RARB: variants seen among roughly 807,000 people sequenced by gnomAD.
The protein encoded by RARB is retinoic acid receptor beta, also known as HBV-activated protein.
In RARB, 17 loss-of-function variants were observed where a neutral mutation model predicts 51.9. That is an observed-to-expected ratio of 0.33 (90% CI 0.22 to 0.49). The LOEUF (loss-of-function observed/expected upper bound fraction) is 0.49. RARB is among the 20% of genes least tolerant of loss of function. The probability of loss-of-function intolerance (pLI) is 0.99; values close to 1 mark genes in which losing one functional copy is unlikely to be tolerated. For missense variants in RARB, 369 were observed against 550.8 expected (o/e 0.67, Z 3.30); for synonymous variants, 215 against 195.4 (o/e 1.10, Z -0.84).
At chr3:25,122,729 G>A (rs541413020) in intron 3 of RARB, among the ~76,000 whole-genome samples, 3 of 152,268 alleles carry the variant, frequency 2.0e-5, no homozygotes, top group African/African-American at 7.2e-5. Context: ...GCCAACCAGG[G>A]ACCAGGCATG....
At chr3:25,484,572 T>A (rs1278819193) in intron 2 of RARB, among the ~76,000 whole-genome samples, 1 of 152,068 alleles carries the variant, frequency 6.6e-6, no homozygotes, top group Non-Finnish European at 1.5e-5. Context: ...ACATTTTAAA[T>A]GCTTGAAAAA....
chr3:25,178,861 A>G (rs1700807985), intron 5 of RARB, among the ~76,000 whole-genome samples: 1 of 152,174 alleles, frequency 6.6e-6, no homozygotes, highest in African/African-American at 2.4e-5. Context: ...AGAGTTGGAC[A>G]GCTGTCTGTC....
At chr3:25,571,001 T>C (rs1575529451) in intron 4 of RARB, among the ~76,000 whole-genome samples, 2 of 148,982 alleles carry the variant, frequency 1.3e-5, no homozygotes, top group South Asian at 2.1e-4. Flanking sequence ...GAGCATGGGG[T>C]GTAGTGCGCT....
intron 4 of RARB, among the ~76,000 whole-genome samples, chr3:25,154,659 T>C (rs1700345692): frequency 6.6e-6 from 1 of 152,218 alleles, no homozygotes; most frequent in Non-Finnish European, 1.5e-5. Flanking sequence ...CCAAACTACA[T>C]GTGTAGGGTC....
intron 1 of RARB, among the ~76,000 whole-genome samples, chr3:24,842,727 G>A (rs971995852): frequency 6.6e-6 from 1 of 152,070 alleles, no homozygotes; most frequent in Non-Finnish European, 1.5e-5. Context: ...TTATTTGTAA[G>A]GTTTCTGACA....
chr3:25,260,542 A>G (rs149044223), intron 5 of RARB, among the ~76,000 whole-genome samples: 56 of 152,254 alleles, frequency 3.7e-4, no homozygotes, highest in African/African-American at 1.3e-3. Flanking sequence ...CCGAGAAGCC[A>G]TATCCAAGGA....
chr3:25,287,048 G>A (rs923899280), intron 5 of RARB, among the ~76,000 whole-genome samples: 2 of 152,154 alleles, frequency 1.3e-5, no homozygotes, highest in African/African-American at 4.8e-5. Context: ...TACGAACAAT[G>A]GAAGAGGCAG....
intron 2 of RARB, chr3:25,025,220 A>G (rs17195136): frequency 0.13 from 20,120 of 152,236 alleles, 1,815 homozygotes; most frequent in Non-Finnish European, 0.2. Flanking sequence ...TCTACATAGC[A>G]CTTCCAAGAT....
intron 5 of RARB, among the ~76,000 whole-genome samples, chr3:25,202,350 G>T (rs1371293568): frequency 6.6e-6 from 1 of 151,754 alleles, no homozygotes; most frequent in Non-Finnish European, 1.5e-5. Context: ...TCTTCTTAGT[G>T]GTCTATCCAT....
At chr3:24,886,229 T>C (rs1489720447) in intron 2 of RARB, among the ~76,000 whole-genome samples, 1 of 152,164 alleles carries the variant, frequency 6.6e-6, no homozygotes, top group Non-Finnish European at 1.5e-5. Context: ...ATAGTTGCTT[T>C]GTAGCTTGGA....
intron 5 of RARB, among the ~76,000 whole-genome samples, chr3:25,291,424 A>G (rs188226221): frequency 2.6e-5 from 4 of 151,442 alleles, no homozygotes; most frequent in Admixed American, 6.6e-5. Flanking sequence ...TCTCAGATAT[A>G]ATAAGTCATA....
At chr3:24,841,984 A>G (rs1474280755) in intron 1 of RARB, among the ~76,000 whole-genome samples, 9 of 152,208 alleles carry the variant, frequency 5.9e-5, no homozygotes, top group Non-Finnish European at 1.2e-4. Context: ...CAGAAAATAT[A>G]TTCCTGGACC....
intron 2 of RARB, among the ~76,000 whole-genome samples, chr3:24,974,806 A>T (rs539420802): frequency 6.6e-6 from 1 of 152,192 alleles, no homozygotes; most frequent in South Asian, 2.1e-4. Context: ...AACCGTTAAC[A>T]TTTTAAAGAA....
intron 5 of RARB, among the ~76,000 whole-genome samples, chr3:25,416,868 A>G (rs753882821): frequency 1.3e-4 from 20 of 152,198 alleles, no homozygotes; most frequent in Non-Finnish European, 1.8e-4. Context: ...GTGGGTCACA[A>G]TAGCCTCCTC....
chr3:24,839,803 T>A (rs997332233), intron 1 of RARB, among the ~76,000 whole-genome samples: 1 of 150,424 alleles, frequency 6.6e-6, no homozygotes, highest in Admixed American at 6.6e-5. Context: ...TGTTTAGAAC[T>A]AGGGAGAGAA....
Position 25,034,261 on chromosome 3 carries a change from G to A in RARB, c.-379-25864G>A, listed in dbSNP as rs1436976167. Reference sequence around the variant, plus strand: ...GGAGGTGGAGTTTGCAGTGAGTCAAGATCGCACCACTGCACTCCAGCCTGG... The same window carrying A: ...GGAGGTGGAGTTTGCAGTGAGTCAAAATCGCACCACTGCACTCCAGCCTGG... On this transcript the variant is annotated intron_variant, in intron 2 of 11. Coordinates refer to the RARB transcript ENST00000383772. Among the ~76,000 whole-genome samples the A allele has an allele frequency of 2.6e-5, 4 of 152,288 alleles. No homozygotes were observed. In the South Asian group the frequency reaches 6.2e-4, roughly 24 times the overall value.
intron 2 of RARB, among the ~76,000 whole-genome samples, chr3:25,494,023 G>T (rs1696880199): frequency 6.6e-6 from 1 of 152,160 alleles, no homozygotes; most frequent in African/African-American, 2.4e-5. Context: ...CCAAGGGCAG[G>T]CTCAGGGGAT....
chr3:25,212,654 C>A (rs145584129), intron 5 of RARB, among the ~76,000 whole-genome samples: 4 of 152,174 alleles, frequency 2.6e-5, no homozygotes, highest in Non-Finnish European at 5.9e-5. Context: ...AATTCTGAGA[C>A]AATGTGCTAT....
chr3:24,897,926 T>C (rs1645891985), intron 2 of RARB, among the ~76,000 whole-genome samples: 1 of 152,212 alleles, frequency 6.6e-6, no homozygotes, highest in Non-Finnish European at 1.5e-5. Context: ...ATGGAACCTT[T>C]TTATTTTCCC....
Sources: gnomAD v4.1 joint callset for allele counts (sites outside exome capture counted in the v4.1 genomes callset) on GRCh38, gnomAD v4.1.1 for gene constraint, MANE v1.5 for transcripts, NCBI Gene and HGNC (gene_info 2026-07-23, HGNC 2026-07-21) for gene names.